The following PTPRS variants were observed in gnomAD, a reference collection of about 807,000 sequenced individuals.
PTPRS encodes the protein protein tyrosine phosphatase receptor type S.
PTPRS carries 63 observed loss-of-function variants against 215.3 expected under a neutral mutation model. That is an observed-to-expected ratio of 0.29 (90% CI 0.24 to 0.36). The LOEUF (loss-of-function observed/expected upper bound fraction) is 0.36. Among genes scored for constraint, PTPRS ranks in the 10% least tolerant of loss-of-function variants. The pLI is 1.00. For synonymous variants in PTPRS, 1,404 were observed against 1,191.4 expected (o/e 1.18, Z -3.68); for missense variants, 2,258 against 2,825.8 (o/e 0.80, Z 4.56).
In PTPRS at chr19:5,215,331, T is replaced by G. The variant is rs976014452; in HGVS notation, c.4276A>C (p.Ile1426Leu). The change falls in exon 28 of 38, where the codon ATC becomes CTC. Residue 1426 changes from isoleucine (I) to leucine (L), a missense_variant. Coordinates refer to ENST00000262963, the MANE Select transcript of PTPRS (RefSeq NM_002850.4). ...NKPKNRYANV[I>L]AYDHSRVILQ... Reference sequence around the variant, plus strand: ...ATGACACGGGAGTGGTCATAGGCGATGACGTTGGCATAGCGGTTCTTCGGC... The same window carrying G: ...ATGACACGGGAGTGGTCATAGGCGAGGACGTTGGCATAGCGGTTCTTCGGC... 1 of 1,614,048 alleles carries G rather than the reference T, an allele frequency of 6.2e-7. No homozygotes were observed. The highest frequency in any genetic ancestry group is 8.5e-7 in the Non-Finnish European group (1 of 1,180,022).
In PTPRS at chr19:5,322,539, A is replaced by G. The variant is rs554790458; in HGVS notation, c.-95+18125T>C. On this transcript the variant is annotated intron_variant, in intron 1 of 37. Coordinates refer to ENST00000262963, the MANE Select transcript of PTPRS (RefSeq NM_002850.4). Reference sequence around the variant, plus strand: ...CGGGTTGGGGGTGGTTAAAAGCAAGAACGTGGAAGCCACCTGCTCCCCGCA... The same window carrying G: ...CGGGTTGGGGGTGGTTAAAAGCAAGGACGTGGAAGCCACCTGCTCCCCGCA... 3.7e-3 allele frequency among the ~76,000 whole-genome samples: 563 copies of G among 152,216 alleles called. 2 individuals carry two copies. Among genetic ancestry groups the G allele is most frequent in the African/African-American group, 0.012 (515 of 41,548 alleles).
intron 18 of PTPRS, among the ~76,000 whole-genome samples, 171 bp downstream of exon 18, chr19:5,222,518 G>A (rs1259617269): frequency 6.6e-6 from 1 of 151,420 alleles, no homozygotes; most frequent in African/African-American, 2.4e-5. Context: ...TGCCACCGAG[G>A]CACGTCCCAC....
intron 2 of PTPRS, among the ~76,000 whole-genome samples, chr19:5,285,261 G>C (rs1159982456): frequency 6.6e-6 from 1 of 152,220 alleles, no homozygotes; most frequent in Non-Finnish European, 1.5e-5. Flanking sequence ...GCAGAACCCA[G>C]TCTCTTGCCC....
At chr19:5,252,240 C>T (rs987762316) in intron 9 of PTPRS, among the ~76,000 whole-genome samples, 6 of 152,146 alleles carry the variant, frequency 3.9e-5, no homozygotes, top group African/African-American at 1.4e-4. Flanking sequence ...CCATCGGCCT[C>T]TTCCAAAACC....
At position 5,212,523 on chromosome 19, in the gene PTPRS, C is replaced by T. The variant is rs115275848; in HGVS notation, c.4615-32G>A. 8.0e-3 allele frequency: 12,398 copies of T among 1,552,346 alleles called. 879 individuals are homozygous for T. In the African/African-American group the frequency reaches 0.15, roughly 18 times the overall value. Reference sequence around the variant, plus strand: ...ACCACAAGGATGTCACCTGTCACTCCGGCTCAACCTGCCACCCATGTGCTG... The same window carrying T: ...ACCACAAGGATGTCACCTGTCACTCTGGCTCAACCTGCCACCCATGTGCTG... On this transcript the variant is annotated intron_variant, in intron 30 of 37. Transcript: ENST00000262963.
chr19:5,340,641 T>A (rs1486440657), intron 1 of PTPRS, 23 bp downstream of exon 1: 1 of 148,262 alleles, frequency 6.7e-6, no homozygotes, highest in African/African-American at 2.5e-5. Flanking sequence ...AATCCATGAT[T>A]TTATTTTTTT....
At chr19:5,225,338 A>G (rs904022950) in intron 17 of PTPRS, among the ~76,000 whole-genome samples, 13 of 152,168 alleles carry the variant, frequency 8.5e-5, no homozygotes, top group African/African-American at 2.7e-4. Flanking sequence ...TGAGGCAATC[A>G]GGGAAGGCTT....
Position 5,215,324 on chromosome 19 carries a change from T to C in PTPRS, c.4283A>G (p.Tyr1428Cys). Residue 1428 changes from tyrosine to cysteine, a missense_variant, in exon 28 of 38, where the codon TAT becomes TGT. Coordinates refer to ENST00000262963, the MANE Select transcript of PTPRS (RefSeq NM_002850.4). ...PKNRYANVIAYDHSRVILQPI... is the reference protein window; with the variant it reads ...PKNRYANVIACDHSRVILQPI... Reference sequence around the variant, plus strand: ...CTGGAGGATGACACGGGAGTGGTCATAGGCGATGACGTTGGCATAGCGGTT... The same window carrying C: ...CTGGAGGATGACACGGGAGTGGTCACAGGCGATGACGTTGGCATAGCGGTT... 1.2e-6 allele frequency: 2 copies of C among 1,614,130 alleles called. No homozygotes were observed. Among genetic ancestry groups the C allele is most frequent in the Non-Finnish European group, 1.7e-6 (2 of 1,180,012 alleles).
At chr19:5,223,990 C>G (rs1020263277) in intron 17 of PTPRS, among the ~76,000 whole-genome samples, 3 of 151,814 alleles carry the variant, frequency 2.0e-5, no homozygotes, top group African/African-American at 7.3e-5. Context: ...ACCAGCCTGG[C>G]CAACATGGTG....
In PTPRS at chr19:5,287,157, C is replaced by A. The variant is rs145424275; in HGVS notation, c.-94-923G>T. 4.0e-3 allele frequency among the ~76,000 whole-genome samples: 612 copies of A among 152,248 alleles called. 2 individuals are homozygous for A. Among genetic ancestry groups the A allele is most frequent in the African/African-American group, 0.013 (549 of 41,536 alleles). On this transcript the variant is annotated intron_variant, in intron 1 of 37. Coordinates refer to ENST00000262963, the MANE Select transcript of PTPRS (RefSeq NM_002850.4). This position sits in a 1 kb window ranked among gnomAD's most constrained non-coding sequence, Gnocchi z 4.8. The stretch of plus-strand genomic sequence containing the variant: ...AGGCCAGCCAAGCTCAGTCCCACCT[C>A]CAAGCCTTTGCTTCTGCTGTGCCCT...
At chr19:5,303,582 A>G (rs1199502466) in intron 1 of PTPRS, among the ~76,000 whole-genome samples, 2 of 151,758 alleles carry the variant, frequency 1.3e-5, no homozygotes, top group African/African-American at 4.8e-5. Context: ...CTGGAAAAAG[A>G]GAGGGGGACT....
At chr19:5,221,392 G>GAT (rs2041963411) in intron 19 of PTPRS, 139 bp from the exon 20 acceptor site, 3 of 1,102,032 alleles carry the variant, frequency 2.7e-6, no homozygotes. Context: ...AACACTGACT[G>GAT]ATCCCTGATC....
intron 2 of PTPRS, among the ~76,000 whole-genome samples, chr19:5,274,749 C>T (rs952761427): frequency 2.4e-4 from 36 of 152,244 alleles, no homozygotes; most frequent in African/African-American, 7.2e-4. Flanking sequence ...ACCCCCCCTC[C>T]ATGGTGACCA....
At chr19:5,217,823 A>G (rs2041621764) in intron 25 of PTPRS, among the ~76,000 whole-genome samples, 1 of 152,178 alleles carries the variant, frequency 6.6e-6, no homozygotes. Context: ...GAGGGAGGAG[A>G]TGGTAGAGTT....
At chr19:5,270,882 T>C (rs983847539) in intron 4 of PTPRS, among the ~76,000 whole-genome samples, 2 of 152,288 alleles carry the variant, frequency 1.3e-5, no homozygotes, top group Non-Finnish European at 2.9e-5. Context: ...TGACCTCAAG[T>C]TGTCCACTTG....
chr19:5,257,184 G>A lies in PTPRS; in HGVS notation c.706+833C>T, dbSNP rs2045623320. Among the ~76,000 whole-genome samples, 2 of 151,102 alleles carry A rather than the reference G, an allele frequency of 1.3e-5. No homozygotes were observed. Among genetic ancestry groups the A allele is most frequent in the Admixed American group, 1.3e-4 (2 of 15,132 alleles). On this transcript the variant is annotated intron_variant, in intron 8 of 37. Transcript: ENST00000262963. This position sits in a 1 kb window ranked among gnomAD's most constrained non-coding sequence, Gnocchi z 4.4. Reference sequence around the variant, plus strand: ...AACGGAGGCATCTGGGGGCAAGGGAGCCCCCTGGCACCTTTGAGGCAGCAC... The same window carrying A: ...AACGGAGGCATCTGGGGGCAAGGGAACCCCCTGGCACCTTTGAGGCAGCAC...
At chr19:5,264,338 T>C (rs1202085401) in intron 5 of PTPRS, among the ~76,000 whole-genome samples, 1 of 152,182 alleles carries the variant, frequency 6.6e-6, no homozygotes, top group African/African-American at 2.4e-5. Context: ...CTGTAGAGGA[T>C]GCTCTCTGCC....
chr19:5,295,771 C>T lies in PTPRS; in HGVS notation c.-94-9537G>A, dbSNP rs1275635713. Among the ~76,000 whole-genome samples the T allele has an allele frequency of 3.3e-5, 5 of 152,138 alleles. No individual in the cohort carries two copies. Among genetic ancestry groups the T allele is most frequent in the Admixed American group, 1.3e-4 (2 of 15,266 alleles). ...CTACCCTTTTTTCAAGACAGGGTCT[C>T]GCTCTGTTGCTCAGGCTGGAGTGCA... On this transcript the variant is annotated intron_variant, in intron 1 of 37. Coordinates refer to ENST00000262963, the MANE Select transcript of PTPRS (RefSeq NM_002850.4). The surrounding 1 kb of genome is among the most constrained non-coding windows in gnomAD (Gnocchi z 4.6).
At position 5,210,693 on chromosome 19, in the gene PTPRS, G is replaced by A. The variant is rs766174955; in HGVS notation, c.5347C>T (p.Arg1783Trp). The A allele has an allele frequency of 1.2e-5, 19 of 1,613,978 alleles. No individual in the cohort carries two copies. The highest frequency in any genetic ancestry group is 1.0e-4 in the Admixed American group (6 of 60,004). The stretch of plus-strand genomic sequence containing the variant: ...CCCTAGCTCACCCGGCCCATCTCCC[G>A]CAGCTTGGTCAGCATCACCACGATC... ...STIVVMLTKLREMGREKCHQY... is the reference protein window; with the variant it reads ...STIVVMLTKLWEMGREKCHQY... Residue 1783 changes from arginine to tryptophan, a missense_variant, in exon 34 of 38, where the codon CGG becomes TGG. Coordinates refer to ENST00000262963, the MANE Select transcript of PTPRS (RefSeq NM_002850.4). The surrounding 1 kb of genome is among the most constrained non-coding windows in gnomAD (Gnocchi z 4.5).
Sources: allele counts gnomAD v4.1 joint callset (sites outside exome capture counted in the v4.1 genomes callset), GRCh38; gene constraint gnomAD v4.1.1; non-coding constraint Gnocchi (gnomAD v3.1); transcripts MANE v1.5; gene names NCBI Gene and HGNC (gene_info 2026-07-23, HGNC 2026-07-21).